Variants in XPNPEP3 observed in about 807,000 individuals in gnomAD.
XPNPEP3 encodes X-prolyl aminopeptidase 3.
A neutral mutation model predicts 60.0 loss-of-function variants in XPNPEP3; 41 were observed. That is an observed-to-expected ratio of 0.68 (90% CI 0.53 to 0.89). The LOEUF is 0.89. XPNPEP3 is among the 40% of genes least tolerant of loss of function. The probability of loss-of-function intolerance (pLI) is 0.00; values close to 1 mark genes in which losing one functional copy is unlikely to be tolerated. For synonymous variants in XPNPEP3, 212 were observed against 223.2 expected, an observed-to-expected ratio of 0.95 and a Z score of 0.45; for missense variants, 598 against 638.9, an observed-to-expected ratio of 0.94 and a Z score of 0.69.
In XPNPEP3 at chr22:40,922,439, A is replaced by T; in HGVS notation, c.1162A>T (p.Met388Leu). The change falls in exon 8 of 10, where the codon ATG becomes TTG. Residue 388 changes from methionine to leucine, a missense_variant. Transcript: ENST00000357137. ...AAGCTTGGAGAACATCTACAGCATG[A>T]TGCTGACCCTGATAGGACAGAAGCT... ...GTSLENIYSM[M>L]LTLIGQKLKD... The T allele has an allele frequency of 6.2e-7, 1 of 1,614,040 alleles. No homozygotes were observed. Among genetic ancestry groups the T allele is most frequent in the Non-Finnish European group, 8.5e-7 (1 of 1,179,938 alleles).
In XPNPEP3 at chr22:40,901,173, TGA is replaced by T. The variant is rs1198226895; in HGVS notation, c.793-6409_793-6408del. On this transcript the variant is annotated intron_variant, in intron 4 of 9. Transcript: ENST00000357137. ...CTATCAAGAAAGTGAAAAAACGGAA[TGA>T]GAGAAAATATTTGCAAATCATATAT... is the stretch of plus-strand genomic sequence containing the variant. Among the ~76,000 whole-genome samples the T allele has an allele frequency of 2.0e-5, 3 of 150,526 alleles. No individual in the cohort carries two copies. The East Asian group carries it at 5.8e-4, about 29-fold the overall frequency.
intron 4 of XPNPEP3, among the ~76,000 whole-genome samples, chr22:40,905,718 C>T (rs1299374897): frequency 6.6e-6 from 1 of 152,166 alleles, no homozygotes; most frequent in Non-Finnish European, 1.5e-5. Context: ...TAAATATTCC[C>T]ACCATTGCAC....
At chr22:40,925,205 C>A (rs553985839) in intron 9 of XPNPEP3, among the ~76,000 whole-genome samples, 1 of 152,156 alleles carries the variant, frequency 6.6e-6, no homozygotes, top group Admixed American at 6.6e-5. Flanking sequence ...TAGTATCCAT[C>A]GCCTTCCTCA....
chr22:40,926,269 G>A lies in XPNPEP3; in HGVS notation c.1358G>A (p.Gly453Asp). The A allele has an allele frequency of 6.2e-7, 1 of 1,614,038 alleles. No homozygotes were observed. The highest frequency in any genetic ancestry group is 8.5e-7 in the Non-Finnish European group (1 of 1,180,018). ...GCATGTTCTTCTTTCTACTTCACAGGCATTTATATTCCAGAGGATGACAAA... is the reference window on the plus strand; with the variant it reads ...GCATGTTCTTCTTTCTACTTCACAGACATTTATATTCCAGAGGATGACAAA... ...QPGMVITIEPGIYIPEDDKDA... is the reference protein window; with the variant it reads ...QPGMVITIEPDIYIPEDDKDA... Residue 453 changes from glycine to aspartate, a missense_variant and splice_region_variant, in exon 10 of 10, where the codon GGC (glycine) becomes GAC (aspartate). Transcript: ENST00000357137.
chr22:40,916,624 C>T (rs931041879), intron 7 of XPNPEP3, among the ~76,000 whole-genome samples: 4 of 152,162 alleles, frequency 2.6e-5, no homozygotes, highest in Non-Finnish European at 4.4e-5. Context: ...GACTGATAAA[C>T]TCTGTATGTC....
At chr22:40,886,267 G>T (rs1215084461) in intron 3 of XPNPEP3, 46 bp from the exon 4 acceptor site, 1 of 1,583,232 alleles carries the variant, frequency 6.3e-7, no homozygotes, top group Non-Finnish European at 8.6e-7. Flanking sequence ...ATTTCTTGTT[G>T]CTGGTAGTTT....
rs2058249393 is a variant in XPNPEP3 at position 40,930,122 on chromosome 22, G to T, written c.*3687G>T. On this transcript the variant is annotated 3_prime_UTR_variant, in exon 10 of 10. Coordinates refer to ENST00000357137, the MANE Select transcript of XPNPEP3 (RefSeq NM_022098.4). Reference sequence around the variant, plus strand: ...TTTTTTTTTTTTAAAGGTTTTTTGTGGGGTTTTTTTGTTTTTTTTTTTTTT... The same window carrying T: ...TTTTTTTTTTTTAAAGGTTTTTTGTTGGGTTTTTTTGTTTTTTTTTTTTTT... 6.7e-6 allele frequency: 1 copy of T among 148,998 alleles called. No homozygotes were observed. The highest frequency in any genetic ancestry group is 2.5e-5 in the African/African-American group (1 of 40,324). 9.2% of individuals were successfully genotyped at this position (148,998 alleles called of 1,614,324 possible). A position where few individuals can be genotyped will look rare whatever the true frequency, so the allele number is the denominator to read the frequency against.
chr22:40,899,950 C>G (rs1219023339), intron 4 of XPNPEP3, among the ~76,000 whole-genome samples: 1 of 151,856 alleles, frequency 6.6e-6, no homozygotes, highest in African/African-American at 2.4e-5. Flanking sequence ...TCCCTTTGTT[C>G]CCAGGCTGCA....
chr22:40,901,566 G>A (rs1233031540), intron 4 of XPNPEP3, among the ~76,000 whole-genome samples: 1 of 152,028 alleles, frequency 6.6e-6, no homozygotes, highest in Non-Finnish European at 1.5e-5. Flanking sequence ...TCAACAACAG[G>A]CCAGGGACAG....
At chr22:40,918,674 A>G (rs2058205251) in intron 7 of XPNPEP3, among the ~76,000 whole-genome samples, 1 of 150,524 alleles carries the variant, frequency 6.6e-6, no homozygotes, top group Admixed American at 6.6e-5. Flanking sequence ...ACAGAACGAG[A>G]CTCCATCTCA....
intron 1 of XPNPEP3, among the ~76,000 whole-genome samples, chr22:40,865,869 T>C (rs1012835183): frequency 6.6e-6 from 1 of 152,140 alleles, no homozygotes; most frequent in Non-Finnish European, 1.5e-5. Context: ...TCCTTCTTTC[T>C]CCTGTGCTCT....
rs765465494 is a variant in XPNPEP3 at position 40,907,555 on chromosome 22, C to G, written c.793-32C>G. ...TTGAGTAAGCAACATAGAATGAGAT[C>G]GTGTTCTTTTCATCCTCCTTTCTCT... On this transcript the variant is annotated intron_variant, in intron 4 of 9. Transcript: ENST00000357137. The G allele has an allele frequency of 2.5e-6, 4 of 1,593,352 alleles. No individual in the cohort carries two copies. The East Asian group carries it at 8.9e-5, about 36-fold the overall frequency.
intron 1 of XPNPEP3, among the ~76,000 whole-genome samples, chr22:40,863,741 T>C (rs2057963679): frequency 6.6e-6 from 1 of 152,254 alleles, no homozygotes; most frequent in African/African-American, 2.4e-5. Context: ...CTCATTTAAC[T>C]GACACAGCAC....
chr22:40,887,949 T>C (rs1044219776), intron 4 of XPNPEP3, among the ~76,000 whole-genome samples: 8 of 152,222 alleles, frequency 5.3e-5, no homozygotes, highest in African/African-American at 1.9e-4. Flanking sequence ...TGTGGTGAAA[T>C]GTGCATAACA....
chr22:40,898,543 G>A (rs1048492871), intron 4 of XPNPEP3, among the ~76,000 whole-genome samples: 11 of 133,588 alleles, frequency 8.2e-5, no homozygotes, highest in Non-Finnish European at 1.5e-4. Context: ...GTGAGCCACC[G>A]CGCCCGGCCG....
chr22:40,907,053 C>T (rs1462733368), intron 4 of XPNPEP3: 1 of 456,206 alleles, frequency 2.2e-6, no homozygotes, highest in Non-Finnish European at 4.4e-6. Context: ...ACTGTCACCC[C>T]AATGGGGATT....
At chr22:40,869,224 G>A in intron 2 of XPNPEP3, 109 bp downstream of exon 2, 6 of 953,686 alleles carry the variant, frequency 6.3e-6, no homozygotes, top group Non-Finnish European at 8.5e-6. Flanking sequence ...CCATAAGGTA[G>A]CCACTAACCT....
At chr22:40,867,813 C>T (rs1345329054) in intron 1 of XPNPEP3, among the ~76,000 whole-genome samples, 1 of 151,680 alleles carries the variant, frequency 6.6e-6, no homozygotes, top group African/African-American at 2.4e-5. Flanking sequence ...GCATTTATAC[C>T]ATGAAGACTT....
intron 2 of XPNPEP3, among the ~76,000 whole-genome samples, chr22:40,880,024 C>G (rs1016111512): frequency 7.9e-6 from 1 of 127,088 alleles, no homozygotes; most frequent in Non-Finnish European, 1.6e-5. Flanking sequence ...AGGACTCTGT[C>G]TCCCAAAAAA....
Sources: gnomAD v4.1 joint callset for allele counts (sites outside exome capture counted in the v4.1 genomes callset) on GRCh38, gnomAD v4.1.1 for gene constraint, MANE v1.5 for transcripts, NCBI Gene and HGNC (gene_info 2026-07-23, HGNC 2026-07-21) for gene names.